Variants in COLEC11 observed in about 807,000 individuals in gnomAD.
COLEC11 encodes collectin subfamily member 11.
Under a neutral mutation model 27.3 loss-of-function variants are expected in COLEC11, and 20 were observed. The observed-to-expected ratio is 0.73, with a 90% CI of 0.51 to 1.06. COLEC11 has a LOEUF of 1.06. Ranked by LOEUF, COLEC11 falls within the 50% of genes least tolerant of loss-of-function variation. The pLI is 0.00. For synonymous variants in COLEC11, 163 were observed against 154.7 expected (o/e 1.05, Z -0.40); for missense variants, 310 against 383.0 (o/e 0.81, Z 1.59).
intron 1 of COLEC11, among the ~76,000 whole-genome samples, chr2:3,600,222 G>C (rs562446499): frequency 7.1e-6 from 1 of 141,012 alleles, no homozygotes; most frequent in South Asian, 2.3e-4. Context: ...GTGACAGTGC[G>C]AGACTCTGTC....
intron 1 of COLEC11, chr2:3,603,534 C>A: frequency 1.0e-6 from 1 of 965,852 alleles, no homozygotes; most frequent in Non-Finnish European, 1.6e-6. Flanking sequence ...CCAGACTGGT[C>A]TCGAACTCCC....
intron 1 of COLEC11, among the ~76,000 whole-genome samples, chr2:3,597,819 G>C (rs1661958102): frequency 6.6e-6 from 1 of 152,228 alleles, no homozygotes; most frequent in East Asian, 1.9e-4. Context: ...CTGCTGCTGA[G>C]GCAGGAGCCG....
At chr2:3,633,201 G>T (rs1205587936) in intron 3 of COLEC11, among the ~76,000 whole-genome samples, 1 of 152,210 alleles carries the variant, frequency 6.6e-6, no homozygotes, top group African/African-American at 2.4e-5. Flanking sequence ...CCAGGACCGG[G>T]ATGGTGAGGC....
intron 2 of COLEC11, among the ~76,000 whole-genome samples, chr2:3,609,352 ATTTTTTTTTTTT>A (rs567474674): frequency 5.7e-5 from 5 of 87,510 alleles, no homozygotes; most frequent in East Asian, 3.1e-4. Context: ...TTTTTCTTTG[ATTTTTTTTTTTT>A]TTTTTTTTTT....
intron 4 of COLEC11, among the ~76,000 whole-genome samples, chr2:3,638,477 A>G (rs1381048895): frequency 6.6e-6 from 1 of 152,170 alleles, no homozygotes; most frequent in Non-Finnish European, 1.5e-5. Flanking sequence ...GGTCTGTCCA[A>G]TTCAGGGGCC....
At chr2:3,642,913 C>T (rs1431910845) in intron 5 of COLEC11, among the ~76,000 whole-genome samples, 1 of 152,180 alleles carries the variant, frequency 6.6e-6, no homozygotes, top group Admixed American at 6.5e-5. Context: ...TCTGCCCTGG[C>T]CCCCACTCCC....
chr2:3,616,018 C>A (rs1399487188), intron 3 of COLEC11, among the ~76,000 whole-genome samples: 2 of 149,574 alleles, frequency 1.3e-5, no homozygotes, highest in Non-Finnish European at 3.0e-5. Flanking sequence ...GGCTGCCCGG[C>A]GGAGGGGCTC....
intron 2 of COLEC11, among the ~76,000 whole-genome samples, chr2:3,608,561 G>A (rs1273453501): frequency 1.3e-5 from 2 of 152,164 alleles, no homozygotes; most frequent in Non-Finnish European, 2.9e-5. Context: ...AGTGGGTCAC[G>A]CCTGTGATCC....
intron 3 of COLEC11, 64 bp downstream of exon 3, chr2:3,613,446 C>A: frequency 7.1e-7 from 1 of 1,417,098 alleles, no homozygotes; most frequent in Non-Finnish European, 9.5e-7. Flanking sequence ...CTGCTAGAGC[C>A]GGGTGGGGAG....
chr2:3,627,841 G>A lies in COLEC11; in HGVS notation c.203-9692G>A, dbSNP rs370671409. On this transcript the variant is annotated intron_variant, in intron 3 of 6. Transcript: ENST00000349077. ...GATGATGCTGGGCATAACACTGGGC[G>A]TGATGACAAAGTGGGTCTCAGCACC... Among the ~76,000 whole-genome samples the A allele has an allele frequency of 3.9e-5, 6 of 152,290 alleles. No homozygotes were observed. In the East Asian group the frequency reaches 7.7e-4, roughly 20 times the overall value.
intron 2 of COLEC11, among the ~76,000 whole-genome samples, chr2:3,607,655 T>C (rs1025106880): frequency 6.6e-6 from 1 of 151,982 alleles, no homozygotes; most frequent in East Asian, 1.9e-4. Flanking sequence ...CACCATGTTA[T>C]CCAGGCTGGT....
chr2:3,624,581 G>A (rs745580073), intron 3 of COLEC11, among the ~76,000 whole-genome samples: 6 of 152,120 alleles, frequency 3.9e-5, no homozygotes, highest in Non-Finnish European at 5.9e-5. Flanking sequence ...ATGGGCCAAG[G>A]GGGTTTCCCT....
chr2:3,607,204 A>G (rs1161013251), intron 2 of COLEC11, among the ~76,000 whole-genome samples: 5 of 151,838 alleles, frequency 3.3e-5, no homozygotes, highest in African/African-American at 1.2e-4. Context: ...GATGACATTT[A>G]TTTGCCATTC....
At chr2:3,613,434 T>C (rs1390093418) in intron 3 of COLEC11, 52 bp downstream of exon 3, 2 of 1,536,114 alleles carry the variant, frequency 1.3e-6, no homozygotes, top group Non-Finnish European at 1.8e-6. Flanking sequence ...GAGGCACCGC[T>C]CCTGCTAGAG....
At position 3,602,871 on chromosome 2, in the gene COLEC11, C is replaced by T. The variant is rs1304259620; in HGVS notation, c.-26-1444C>T. On this transcript the variant is annotated intron_variant, in intron 1 of 6. Transcript: ENST00000349077. The surrounding 1 kb of genome is among the most constrained non-coding windows in gnomAD (Gnocchi z 6.2). ...TCCTGAACAGCAGCATGTGTCCCGG[C>T]CACTGGACTCTGCCTCACTCTTCCC... 6.6e-6 allele frequency among the ~76,000 whole-genome samples: 1 copy of T among 152,220 alleles called. No homozygotes were observed. The highest frequency in any genetic ancestry group is 1.5e-5 in the Non-Finnish European group (1 of 68,044).
At chr2:3,642,818 G>A (rs1017174925) in intron 5 of COLEC11, among the ~76,000 whole-genome samples, 2 of 152,148 alleles carry the variant, frequency 1.3e-5, no homozygotes, top group African/African-American at 4.8e-5. Context: ...CCTCACCCAC[G>A]GCCTGCAGGT....
At chr2:3,610,931 C>T (rs13022258) in intron 2 of COLEC11, among the ~76,000 whole-genome samples, 105,335 of 152,082 alleles carry the variant, frequency 0.69, 36,997 homozygotes, top group South Asian at 0.88. Flanking sequence ...TTTTTCCCTC[C>T]TGGGTAGCTG....
intron 3 of COLEC11, among the ~76,000 whole-genome samples, chr2:3,634,279 C>T (rs2147945321): frequency 6.6e-6 from 1 of 152,328 alleles, no homozygotes; most frequent in East Asian, 1.9e-4. Flanking sequence ...CTGCAGGTTT[C>T]TAGCTGGGTG....
At chr2:3,598,509 G>A (rs992436762) in intron 1 of COLEC11, among the ~76,000 whole-genome samples, 2 of 152,254 alleles carry the variant, frequency 1.3e-5, no homozygotes, top group African/African-American at 4.8e-5. Context: ...CCTTTACGAA[G>A]CTGTAGCTTG....
Sources: gnomAD v4.1 joint callset for allele counts (sites outside exome capture counted in the v4.1 genomes callset) on GRCh38, gnomAD v4.1.1 for gene constraint, Gnocchi (gnomAD v3.1) non-coding constraint, MANE v1.5 for transcripts, NCBI Gene and HGNC (gene_info 2026-07-23, HGNC 2026-07-21) for gene names.